Variants in TMEM163 observed in about 807,000 individuals in gnomAD.
The protein encoded by TMEM163 is transmembrane protein 163.
In TMEM163, 17 loss-of-function variants were observed where a neutral mutation model predicts 29.3. That is an observed-to-expected ratio of 0.58 (90% CI 0.40 to 0.87). The LOEUF is 0.87. Ranked by LOEUF, TMEM163 falls within the 40% of genes least tolerant of loss-of-function variation. The pLI is 0.00. For missense variants in TMEM163, 303 were observed against 381.5 expected, an observed-to-expected ratio of 0.79 and a Z score of 1.71; for synonymous variants, 157 against 160.6, an observed-to-expected ratio of 0.98 and a Z score of 0.17.
At chr2:134,610,454 T>A (rs1008131088) in intron 2 of TMEM163, among the ~76,000 whole-genome samples, 1 of 152,110 alleles carries the variant, frequency 6.6e-6, no homozygotes, top group African/African-American at 2.4e-5. Context: ...GAGTTTCAAT[T>A]TAGTGGTCTG....
At chr2:134,657,255 A>C (rs1436871623) in intron 2 of TMEM163, among the ~76,000 whole-genome samples, 1 of 152,178 alleles carries the variant, frequency 6.6e-6, no homozygotes, top group East Asian at 1.9e-4. Context: ...GTTTTTTATT[A>C]CTGATTCAAT....
intron 2 of TMEM163, among the ~76,000 whole-genome samples, chr2:134,552,740 C>A (rs148929032): frequency 1.4e-5 from 2 of 148,106 alleles, no homozygotes; most frequent in Non-Finnish European, 3.0e-5. Context: ...CGGCTCACTG[C>A]AACCTCTGCC....
chr2:134,480,498 A>G (rs765343240), intron 5 of TMEM163, among the ~76,000 whole-genome samples: 5 of 152,226 alleles, frequency 3.3e-5, no homozygotes, highest in Non-Finnish European at 7.3e-5. Flanking sequence ...TCCTCATTTG[A>G]TTAGCCACAA....
chr2:134,667,976 G>C (rs912865807), intron 2 of TMEM163, among the ~76,000 whole-genome samples: 1 of 152,218 alleles, frequency 6.6e-6, no homozygotes, highest in Non-Finnish European at 1.5e-5. Context: ...CACTGGCCCA[G>C]CTGCTGGGAG....
intron 2 of TMEM163, among the ~76,000 whole-genome samples, chr2:134,696,182 T>A (rs1684577475): frequency 6.6e-6 from 1 of 152,180 alleles, no homozygotes. Flanking sequence ...CCAATTGTGG[T>A]GGTATCATTA....
At chr2:134,707,360 G>A (rs930015258) in intron 2 of TMEM163, among the ~76,000 whole-genome samples, 3 of 152,222 alleles carry the variant, frequency 2.0e-5, no homozygotes, top group African/African-American at 7.2e-5. Flanking sequence ...AAAATGTCCT[G>A]AAGAACAATT....
chr2:134,588,536 C>A (rs145147103), intron 2 of TMEM163, among the ~76,000 whole-genome samples: 66 of 152,218 alleles, frequency 4.3e-4, no homozygotes, highest in African/African-American at 1.5e-3. Context: ...GGCACTGAAC[C>A]AGCATGTGCC....
chr2:134,463,068 C>T (rs1343553460), intron 6 of TMEM163, among the ~76,000 whole-genome samples: 1 of 152,230 alleles, frequency 6.6e-6, no homozygotes, highest in Non-Finnish European at 1.5e-5. Context: ...TGTTCAGACC[C>T]ACACTGCCTA....
intron 4 of TMEM163, among the ~76,000 whole-genome samples, chr2:134,527,594 C>A (rs1277368247): frequency 3.9e-5 from 6 of 152,094 alleles, no homozygotes; most frequent in Non-Finnish European, 8.8e-5. Flanking sequence ...TGACAGTGAG[C>A]CCAACACCAC....
intron 4 of TMEM163, among the ~76,000 whole-genome samples, chr2:134,546,778 A>T (rs1574226308): frequency 1.3e-5 from 2 of 152,222 alleles, no homozygotes; most frequent in East Asian, 3.9e-4. Context: ...ATGCCACCGC[A>T]CTCCAGCCTG....
At chr2:134,615,650 GCTTT>G (rs1319550464) in intron 2 of TMEM163, among the ~76,000 whole-genome samples, 1 of 132,496 alleles carries the variant, frequency 7.5e-6, no homozygotes, top group Non-Finnish European at 1.6e-5. Flanking sequence ...CAAGAGCAGA[GCTTT>G]TTTTTTTTTT....
intron 2 of TMEM163, among the ~76,000 whole-genome samples, chr2:134,658,952 T>C (rs749807759): frequency 3.9e-5 from 6 of 152,160 alleles, no homozygotes; most frequent in Non-Finnish European, 5.9e-5. Flanking sequence ...AATACAGTCA[T>C]GTGTCTCTTA....
At chr2:134,590,245 C>T (rs1395149063) in intron 2 of TMEM163, among the ~76,000 whole-genome samples, 1 of 152,058 alleles carries the variant, frequency 6.6e-6, no homozygotes, top group Non-Finnish European at 1.5e-5. Flanking sequence ...AAGTAACTTG[C>T]CCTAGATCAC....
At chr2:134,577,610 A>C (rs978871726) in intron 2 of TMEM163, among the ~76,000 whole-genome samples, 76 of 152,214 alleles carry the variant, frequency 5.0e-4, no homozygotes, top group African/African-American at 1.8e-3. Flanking sequence ...CAGGAAAGGG[A>C]CCAGCCTCTC....
At chr2:134,664,462 T>C (rs1409192587) in intron 2 of TMEM163, among the ~76,000 whole-genome samples, 1 of 152,180 alleles carries the variant, frequency 6.6e-6, no homozygotes, top group Non-Finnish European at 1.5e-5. Flanking sequence ...CCCAAAGATA[T>C]ATAGGTCCTA....
chr2:134,507,126 C>T (rs949481507), intron 4 of TMEM163, among the ~76,000 whole-genome samples: 2 of 152,028 alleles, frequency 1.3e-5, no homozygotes, highest in South Asian at 2.1e-4. Flanking sequence ...CACCTGAGGT[C>T]GGGAGGTCAA....
intron 4 of TMEM163, among the ~76,000 whole-genome samples, chr2:134,525,248 T>C (rs1680269061): frequency 6.6e-6 from 1 of 152,220 alleles, no homozygotes; most frequent in Admixed American, 6.5e-5. Flanking sequence ...TTGTTAGCAA[T>C]GCAAATTCTC....
chr2:134,660,026 A>T (rs1683713327), intron 2 of TMEM163, among the ~76,000 whole-genome samples: 1 of 152,142 alleles, frequency 6.6e-6, no homozygotes, highest in Non-Finnish European at 1.5e-5. Flanking sequence ...GGGTGATTTG[A>T]CCTGAATGAG....
At chr2:134,688,620 G>C (rs1684394522) in intron 2 of TMEM163, among the ~76,000 whole-genome samples, 1 of 152,182 alleles carries the variant, frequency 6.6e-6, no homozygotes, top group Admixed American at 6.5e-5. Context: ...TCCCTCAGCT[G>C]TAACTATTTC....
Sources: gnomAD v4.1 joint callset for allele counts (sites outside exome capture counted in the v4.1 genomes callset) on GRCh38, gnomAD v4.1.1 for gene constraint, MANE v1.5 for transcripts, NCBI Gene and HGNC (gene_info 2026-07-23, HGNC 2026-07-21) for gene names.